Variants in PRKAR2A observed in about 807,000 individuals in gnomAD.
The protein encoded by PRKAR2A is cAMP-dependent protein kinase type II-alpha regulatory subunit.
PRKAR2A carries 29 observed loss-of-function variants against 51.9 expected under a neutral mutation model. That is an observed-to-expected ratio of 0.56 (90% CI 0.42 to 0.76). The LOEUF is 0.76. Among genes scored for constraint, PRKAR2A ranks in the 30% least tolerant of loss-of-function variants. The pLI is 0.00. For missense variants in PRKAR2A, 445 were observed against 512.1 expected, an observed-to-expected ratio of 0.87 and a Z score of 1.26; for synonymous variants, 178 against 186.2, an observed-to-expected ratio of 0.96 and a Z score of 0.36.
chr3:48,788,862 G>C (rs1286618615), intron 4 of PRKAR2A, among the ~76,000 whole-genome samples: 1 of 152,028 alleles, frequency 6.6e-6, no homozygotes, highest in Non-Finnish European at 1.5e-5. Context: ...ACAGTATTTT[G>C]TTATAGCAGC....
intron 1 of PRKAR2A, among the ~76,000 whole-genome samples, chr3:48,835,300 G>A (rs1028920127): frequency 7.3e-5 from 11 of 151,524 alleles, no homozygotes; most frequent in African/African-American, 1.9e-4. Context: ...CCAGGAGTTC[G>A]AGACCAACCT....
chr3:48,843,066 C>A (rs1293118479), intron 1 of PRKAR2A, among the ~76,000 whole-genome samples: 9 of 152,156 alleles, frequency 5.9e-5, no homozygotes, highest in Admixed American at 5.9e-4. Context: ...GGTTGGTAAG[C>A]TGTTGATTAT....
At chr3:48,752,115 G>T in intron 10 of PRKAR2A, 61 bp downstream of exon 10, 1 of 1,563,684 alleles carries the variant, frequency 6.4e-7, no homozygotes. Flanking sequence ...AAGGCTTGCT[G>T]ATGGGAAAAA....
chr3:48,773,462 G>C (rs1332365606), intron 5 of PRKAR2A, among the ~76,000 whole-genome samples: 1 of 149,298 alleles, frequency 6.7e-6, no homozygotes. Context: ...TCCTGCCTCA[G>C]CCTCCCGAGT....
intron 1 of PRKAR2A, among the ~76,000 whole-genome samples, chr3:48,829,573 AATATAT>A (rs1204412223): frequency 4.4e-5 from 2 of 45,414 alleles, no homozygotes; most frequent in African/African-American, 2.5e-4. Context: ...TACACACATA[AATATAT>A]ATGTGTGTAT....
Position 48,847,484 on chromosome 3 carries a change from G to A in PRKAR2A, c.113C>T (p.Thr38Ile). The change falls in exon 1 of 11, where the codon ACC becomes ATC. Residue 38 changes from threonine (T) to isoleucine (I), a missense_variant. Thr to Ile is a moderately conservative substitution (Grantham distance 89). Coordinates refer to ENST00000265563, the MANE Select transcript of PRKAR2A (RefSeq NM_004157.4). This position sits in a 1 kb window ranked among gnomAD's most constrained non-coding sequence, Gnocchi z 4.4. ...TGGGGCGCGGGCCTCGCGCAGGCGG[G>A]TGAAGTACTCCACTGCGAATTCGAC... is the stretch of plus-strand genomic sequence containing the variant. The part of the protein sequence containing the change: ...DLVEFAVEYF[T>I]RLREARAPAS... 1 of 1,558,778 alleles carries A rather than the reference G, an allele frequency of 6.4e-7. No homozygotes were observed. The highest frequency in any genetic ancestry group is 8.7e-7 in the Non-Finnish European group (1 of 1,151,290).
intron 5 of PRKAR2A, 133 bp from the exon 6 acceptor site, chr3:48,773,241 T>G: frequency 1.4e-6 from 1 of 697,984 alleles, no homozygotes; most frequent in South Asian, 2.7e-5. Flanking sequence ...AAAAAAAACA[T>G]ATTTTTGTAT....
At chr3:48,765,807 T>A (rs1408435941) in intron 6 of PRKAR2A, among the ~76,000 whole-genome samples, 2 of 150,546 alleles carry the variant, frequency 1.3e-5, no homozygotes, top group Non-Finnish European at 1.5e-5. Context: ...ATCCAGGATT[T>A]AAAAAAACTT....
At chr3:48,767,895 GC>G (rs750652829) in intron 6 of PRKAR2A, among the ~76,000 whole-genome samples, 2 of 151,206 alleles carry the variant, frequency 1.3e-5, no homozygotes, top group Non-Finnish European at 1.5e-5. Flanking sequence ...CTGCACTCTA[GC>G]CTGGGAGACA....
intron 6 of PRKAR2A, among the ~76,000 whole-genome samples, chr3:48,771,509 T>C (rs1270677938): frequency 6.6e-6 from 1 of 152,216 alleles, no homozygotes; most frequent in Non-Finnish European, 1.5e-5. Context: ...TGGAGATCTG[T>C]TATTGATTTT....
intron 2 of PRKAR2A, among the ~76,000 whole-genome samples, chr3:48,805,286 A>G (rs1037463422): frequency 6.6e-6 from 1 of 152,198 alleles, no homozygotes; most frequent in Non-Finnish European, 1.5e-5. Context: ...GAGAATCAAT[A>G]GAGACATTCA....
chr3:48,771,453 A>T (rs2082027681), intron 6 of PRKAR2A, among the ~76,000 whole-genome samples: 1 of 152,212 alleles, frequency 6.6e-6, no homozygotes, highest in Non-Finnish European at 1.5e-5. Flanking sequence ...GGCTGCAGTT[A>T]GCCCCTGCTC....
intron 2 of PRKAR2A, among the ~76,000 whole-genome samples, chr3:48,804,632 T>C (rs1478946246): frequency 3.3e-5 from 5 of 151,744 alleles, no homozygotes; most frequent in Non-Finnish European, 7.4e-5. Context: ...GCAAAGGAGG[T>C]GAGAAGACAG....
downstream of PRKAR2A, among the ~76,000 whole-genome samples, chr3:48,745,754 G>T (rs1250338031): frequency 6.6e-6 from 1 of 152,028 alleles, no homozygotes; most frequent in Non-Finnish European, 1.5e-5. Context: ...GGCCAGGCTG[G>T]TCTCAAACTC....
At chr3:48,769,211 G>A (rs1575852442) in intron 6 of PRKAR2A, among the ~76,000 whole-genome samples, 2 of 139,674 alleles carry the variant, frequency 1.4e-5, no homozygotes, top group Admixed American at 1.5e-4. Flanking sequence ...AGGCTGGAGT[G>A]CAGTGGCACA....
intron 2 of PRKAR2A, among the ~76,000 whole-genome samples, chr3:48,794,876 A>T (rs1357627160): frequency 6.6e-6 from 1 of 152,218 alleles, no homozygotes; most frequent in Non-Finnish European, 1.5e-5. Context: ...AAAAGGAAAC[A>T]ATTTGGGAAG....
chr3:48,808,213 A>C (rs1477186076), intron 1 of PRKAR2A, among the ~76,000 whole-genome samples: 1 of 146,636 alleles, frequency 6.8e-6, no homozygotes, highest in African/African-American at 2.6e-5. Flanking sequence ...ATGCCCGGCT[A>C]TATTTTTGTA....
chr3:48,783,617 G>A (rs914517057), intron 4 of PRKAR2A, among the ~76,000 whole-genome samples: 1 of 152,072 alleles, frequency 6.6e-6, no homozygotes, highest in Non-Finnish European at 1.5e-5. Flanking sequence ...GTCTCACTCT[G>A]TCACACAGGC....
chr3:48,753,131 C>A (rs986996893), intron 9 of PRKAR2A, among the ~76,000 whole-genome samples: 1 of 151,468 alleles, frequency 6.6e-6, no homozygotes, highest in East Asian at 1.9e-4. Context: ...GACAGGGTTT[C>A]ACCATGTTCG....
Sources: allele counts gnomAD v4.1 joint callset (sites outside exome capture counted in the v4.1 genomes callset), GRCh38; gene constraint gnomAD v4.1.1; non-coding constraint Gnocchi (gnomAD v3.1); transcripts MANE v1.5; gene names NCBI Gene and HGNC (gene_info 2026-07-23, HGNC 2026-07-21).